The following ELMOD3 variants were observed in gnomAD, a reference collection of about 807,000 sequenced individuals.
The protein encoded by ELMOD3 is ELMO domain-containing protein 3.
Under a neutral mutation model 47.4 loss-of-function variants are expected in ELMOD3, and 36 were observed. The observed-to-expected ratio is 0.76, with a 90% CI of 0.58 to 1.00. ELMOD3 has a LOEUF of 1.00. Among genes scored for constraint, ELMOD3 ranks in the 50% least tolerant of loss-of-function variants. The probability of loss-of-function intolerance (pLI) is 0.00; values close to 1 mark genes in which losing one functional copy is unlikely to be tolerated. For synonymous variants in ELMOD3, 149 were observed against 183.5 expected (o/e 0.81, Z 1.52); for missense variants, 404 against 463.8 (o/e 0.87, Z 1.18).
chr2:85,389,449 C>T (rs993705187), intron 11 of ELMOD3: 30 of 420,584 alleles, frequency 7.1e-5, no homozygotes, highest in East Asian at 4.8e-5. Flanking sequence ...GGAGAGCTGA[C>T]GGGTCAGGAT....
At chr2:85,367,990 G>A (rs893820825) in intron 6 of ELMOD3, among the ~76,000 whole-genome samples, 2 of 151,624 alleles carry the variant, frequency 1.3e-5, no homozygotes, top group African/African-American at 4.9e-5. Flanking sequence ...TCTGCTCACT[G>A]CAACTCCGCC....
chr2:85,371,827 A>T, intron 10 of ELMOD3: 1 of 348,208 alleles, frequency 2.9e-6, no homozygotes, highest in South Asian at 3.0e-5. Flanking sequence ...TGAGGTCCTG[A>T]GTTCGAGACC....
In ELMOD3 at chr2:85,376,353, A is replaced by G. The variant is rs1685166552; in HGVS notation, c.608-991A>G. Among the ~76,000 whole-genome samples, 1 of 152,202 alleles carries G rather than the reference A, an allele frequency of 6.6e-6. No individual in the cohort carries two copies. The highest frequency in any genetic ancestry group is 2.4e-5 in the African/African-American group (1 of 41,454). On this transcript the variant is annotated intron_variant, in intron 10 of 13. Transcript: ENST00000409013. The surrounding 1 kb of genome is among the most constrained non-coding windows in gnomAD (Gnocchi z 4.2). ...AGGCCTCCCCTGTTACTGTGCCAGCAGGGGAAGGAGGGACGTCACCATGTT... is the reference window on the plus strand; with the variant it reads ...AGGCCTCCCCTGTTACTGTGCCAGCGGGGGAAGGAGGGACGTCACCATGTT...
rs925977582 is a variant in ELMOD3 at position 85,371,460 on chromosome 2, C to G, written c.505C>G (p.Pro169Ala). ...IAQCGLDSQD[P>A]VHGRVLQTIY... Reference sequence around the variant, plus strand: ...GGCAGGTGGCCTGGATAGCCAAGACCCAGTGCATGGCCGAGTCCTCCAGAC... The same window carrying G: ...GGCAGGTGGCCTGGATAGCCAAGACGCAGTGCATGGCCGAGTCCTCCAGAC... The change falls in exon 10 of 14, where the codon CCA becomes GCA. Residue 169 changes from proline (P) to alanine (A), a missense_variant. Coordinates refer to ENST00000409013, the MANE Select transcript of ELMOD3 (RefSeq NM_001135022.2). The G allele has an allele frequency of 3.1e-6, 5 of 1,614,046 alleles. No homozygotes were observed. The African/African-American group carries it at 5.3e-5, about 17-fold the overall frequency.
chr2:85,382,760 C>T (rs1573142493), intron 11 of ELMOD3, among the ~76,000 whole-genome samples: 1 of 152,224 alleles, frequency 6.6e-6, no homozygotes, highest in East Asian at 1.9e-4. Flanking sequence ...AGGTGATCCA[C>T]ACGCCTTGGC....
Position 85,371,520 on chromosome 2 carries a change from T to C in ELMOD3, c.565T>C (p.Cys189Arg), listed in dbSNP as rs1558703947. The C allele has an allele frequency of 6.2e-7, 1 of 1,614,234 alleles. No individual in the cohort carries two copies. Among genetic ancestry groups the C allele is most frequent in the South Asian group, 1.1e-5 (1 of 91,090 alleles). The change falls in exon 10 of 14, where the codon TGT becomes CGT. Residue 189 changes from cysteine to arginine, a missense_variant. By Grantham distance (180) the Cys-to-Arg change is radical. Coordinates refer to ENST00000409013, the MANE Select transcript of ELMOD3 (RefSeq NM_001135022.2). ...YKKLTGSKFD[C>R]ALHGNHWEDL... is the part of the protein sequence containing the mutation. Reference sequence around the variant, plus strand: ...GAAGCTGACCGGCTCCAAGTTTGACTGTGCCCTTCATGGAAACCACTGGGA... The same window carrying C: ...GAAGCTGACCGGCTCCAAGTTTGACCGTGCCCTTCATGGAAACCACTGGGA...
In ELMOD3 at chr2:85,369,835, G is replaced by A. The variant is rs776906391; in HGVS notation, c.360+5G>A. ...GTGGACCTTTCCCCCTTCAAGGTAT[G>A]AGGGTAGCAGGGTTTGGAGTCTCAA... is the stretch of plus-strand genomic sequence containing the variant. On this transcript the variant is annotated splice_donor_5th_base_variant and intron_variant, in intron 8 of 13. Transcript: ENST00000409013. The A allele has an allele frequency of 5.0e-6, 8 of 1,613,708 alleles. No homozygotes were observed. In the East Asian group the frequency reaches 1.8e-4, roughly 36 times the overall value.
At chr2:85,371,381 G>A (rs1375632253) in intron 9 of ELMOD3, 59 bp from the exon 10 acceptor site, 18 of 1,607,976 alleles carry the variant, frequency 1.1e-5, no homozygotes, top group Non-Finnish European at 1.4e-5. Context: ...TCTCTGAGAA[G>A]CACCCGGTTC....
intron 11 of ELMOD3, among the ~76,000 whole-genome samples, chr2:85,379,334 G>A (rs1158595321): frequency 6.6e-6 from 1 of 152,120 alleles, no homozygotes; most frequent in East Asian, 1.9e-4. Flanking sequence ...AGCCTCCTGA[G>A]TAGCTGGGAT....
chr2:85,366,738 TC>T (rs1684415181), intron 6 of ELMOD3, among the ~76,000 whole-genome samples: 1 of 152,238 alleles, frequency 6.6e-6, no homozygotes. Flanking sequence ...CGCTTTCTCT[TC>T]CTTATTATCC....
intron 6 of ELMOD3, among the ~76,000 whole-genome samples, chr2:85,366,124 A>AT (rs566714087): frequency 0.21 from 28,206 of 135,546 alleles, 3,117 homozygotes; most frequent in Non-Finnish European, 0.23. Context: ...TACCCAGCTA[A>AT]TTTTTTTTTT....
chr2:85,377,793 G>T (rs1172203537), intron 11 of ELMOD3, among the ~76,000 whole-genome samples: 1 of 152,170 alleles, frequency 6.6e-6, no homozygotes, highest in Non-Finnish European at 1.5e-5. Context: ...ACTTTCTGCA[G>T]AAAGGGTACA....
At chr2:85,366,162 G>A (rs963222741) in intron 6 of ELMOD3, among the ~76,000 whole-genome samples, 15 of 148,898 alleles carry the variant, frequency 1.0e-4, no homozygotes, top group African/African-American at 3.7e-4. Context: ...GTAGAGACAG[G>A]GTTTCACCAT....
chr2:85,354,840 G>T lies in ELMOD3; in HGVS notation c.-372+11G>T, dbSNP rs751508201. 3.1e-5 allele frequency: 7 copies of T among 229,410 alleles called. No individual in the cohort carries two copies. The South Asian group carries it at 4.9e-4, about 16-fold the overall frequency. The allele number at this position is 229,410 out of a possible 1,614,324, so 14.2% of individuals were successfully genotyped here. A position where few individuals can be genotyped will look rare whatever the true frequency, so the allele number is the denominator to read the frequency against. On this transcript the variant is annotated intron_variant, in intron 1 of 13. Coordinates refer to ENST00000409013, the MANE Select transcript of ELMOD3 (RefSeq NM_001135022.2). ...AAAGCTCTTTTAACGGTGAGAACGC[G>T]TTAACACTTGCCAAGGGGAGTGGTT... is the stretch of plus-strand genomic sequence containing the variant.
intron 4 of ELMOD3, among the ~76,000 whole-genome samples, chr2:85,359,933 C>T (rs1683831530): frequency 6.6e-6 from 1 of 151,730 alleles, no homozygotes; most frequent in South Asian, 2.1e-4. Context: ...GCTACATGGG[C>T]ATGGTGGTGT....
At position 85,357,408 on chromosome 2, in the gene ELMOD3, CA is replaced by C. The variant is rs1683639710; in HGVS notation, c.54+158del. The C allele has an allele frequency of 8.8e-6, 4 of 453,750 alleles. No individual in the cohort carries two copies. The East Asian group carries it at 1.4e-4, about 16-fold the overall frequency. 28.1% of individuals were successfully genotyped at this position (453,750 alleles called of 1,614,324 possible). A position where few individuals can be genotyped will look rare whatever the true frequency, so the allele number is the denominator to read the frequency against. On this transcript the variant is annotated intron_variant, in intron 4 of 13. Coordinates refer to ENST00000409013, the MANE Select transcript of ELMOD3 (RefSeq NM_001135022.2). ...AAGGAGCTTCTATTCACCTCAGGGT[CA>C]ATTGCTTTTCCTAATAGCTTGTTTT...
rs925977582 is a variant in ELMOD3, at chr2:85,371,460, C to A, written c.505C>A (p.Pro169Thr). The A allele has an allele frequency of 1.9e-6, 3 of 1,614,046 alleles. No individual in the cohort carries two copies. The Admixed American group carries it at 5.0e-5, about 27-fold the overall frequency. Residue 169 changes from proline to threonine, a missense_variant, in exon 10 of 14, where the codon CCA becomes ACA. Transcript: ENST00000409013. The part of the protein sequence containing the change: ...IAQCGLDSQD[P>T]VHGRVLQTIY... ...GGCAGGTGGCCTGGATAGCCAAGAC[C>A]CAGTGCATGGCCGAGTCCTCCAGAC...
chr2:85,388,931 A>G (rs145654303), intron 11 of ELMOD3, among the ~76,000 whole-genome samples: 1 of 152,242 alleles, frequency 6.6e-6, no homozygotes, highest in Non-Finnish European at 1.5e-5. Context: ...GCACTGGTCT[A>G]TGTGTTCCTC....
At chr2:85,360,266 CA>C (rs753285939) in intron 4 of ELMOD3, among the ~76,000 whole-genome samples, 171 of 51,490 alleles carry the variant, frequency 3.3e-3, no homozygotes, top group South Asian at 0.019. Context: ...AACTCCATCT[CA>C]AAAAAAAAAA....
Sources: allele counts gnomAD v4.1 joint callset (sites outside exome capture counted in the v4.1 genomes callset), GRCh38; gene constraint gnomAD v4.1.1; non-coding constraint Gnocchi (gnomAD v3.1); transcripts MANE v1.5; gene names NCBI Gene and HGNC (gene_info 2026-07-23, HGNC 2026-07-21).